Variants in SIRPB2 observed in about 807,000 individuals in gnomAD.
SIRPB2 encodes signal-regulatory protein beta-2.
A neutral mutation model predicts 27.1 loss-of-function variants in SIRPB2; 18 were observed. That is an observed-to-expected ratio of 0.66 (90% CI 0.46 to 0.98). The LOEUF is 0.98. Among genes scored for constraint, SIRPB2 ranks in the 50% least tolerant of loss-of-function variants. The pLI, the probability that SIRPB2 is intolerant of heterozygous loss-of-function variation, is 0.00. For synonymous variants in SIRPB2, 150 were observed against 164.6 expected, an observed-to-expected ratio of 0.91 and a Z score of 0.68; for missense variants, 420 against 417.4, an observed-to-expected ratio of 1.01 and a Z score of -0.06.
chr20:1,485,516 C>A (rs549576498), intron 1 of SIRPB2, among the ~76,000 whole-genome samples: 1 of 151,906 alleles, frequency 6.6e-6, no homozygotes, highest in Admixed American at 6.6e-5. Flanking sequence ...AGAAAGGACT[C>A]AAATAAATTA....
intron 1 of SIRPB2, among the ~76,000 whole-genome samples, chr20:1,490,344 T>C (rs2090766124): frequency 6.6e-6 from 1 of 152,062 alleles, no homozygotes; most frequent in African/African-American, 2.4e-5. Context: ...ACCAAAGATG[T>C]CATGGACAGA....
At chr20:1,477,163 G>A (rs1423871117) in intron 4 of SIRPB2, 175 bp downstream of exon 4, 4 of 1,578,006 alleles carry the variant, frequency 2.5e-6, no homozygotes, top group Middle Eastern at 3.3e-4. Flanking sequence ...TAGCTGAGCT[G>A]TTATAACATG....
In SIRPB2 at chr20:1,491,365, C is replaced by CAA; in HGVS notation, c.-7_-6insTT. ...GCCGACATCGTGGAGCACATGGCAT[C>CAA]TTCTGTGGTCCCCAAGACTTGGGGC... On this transcript the variant is annotated 5_prime_UTR_variant, in exon 1 of 5. Coordinates refer to ENST00000359801, the MANE Select transcript of SIRPB2 (RefSeq NM_001122962.2). 2.5e-6 allele frequency: 4 copies of CAA among 1,605,834 alleles called. No individual in the cohort carries two copies. Among genetic ancestry groups the CAA allele is most frequent in the Non-Finnish European group, 3.4e-6 (4 of 1,176,952 alleles).
Position 1,476,137 on chromosome 20 carries a change from T to A in SIRPB2, c.*30A>T. 1.2e-6 allele frequency: 2 copies of A among 1,605,050 alleles called. No individual in the cohort carries two copies. The highest frequency in any genetic ancestry group is 1.7e-6 in the Non-Finnish European group (2 of 1,177,220). On this transcript the variant is annotated 3_prime_UTR_variant, in exon 5 of 5. Transcript: ENST00000359801. ...TGAGGAGCCCTGGCTCCTCTCCAAC[T>A]CAGAGGGTCCTCACTCTGGGGCTGA...
At chr20:1,478,703 G>A in intron 2 of SIRPB2, 96 bp from the exon 3 acceptor site, 8 of 1,065,380 alleles carry the variant, frequency 7.5e-6, no homozygotes, top group Non-Finnish European at 7.9e-6. Flanking sequence ...CTTCTTTCCA[G>A]ATTTCTTCAC....
At position 1,476,974 on chromosome 20, in the gene SIRPB2, C is replaced by CCATTACA. The variant is rs1252248064; in HGVS notation, c.859+357_859+363dup. ...CCAGACTCAAGGGGCGAGAACCTGC[C>CCATTACA]CATTACACTAGGAAGGGGCTCCATC... is the stretch of plus-strand genomic sequence containing the variant. On this transcript the variant is annotated intron_variant, in intron 4 of 4. Transcript: ENST00000359801. 11 of 1,223,152 alleles carry CCATTACA rather than the reference C, an allele frequency of 9.0e-6. No homozygotes were observed. The East Asian group carries it at 5.6e-4, about 63-fold the overall frequency. The allele number at this position is 1,223,152 out of a possible 1,614,324, so 75.8% of individuals were successfully genotyped here. A position where few individuals can be genotyped will look rare whatever the true frequency, so the allele number is the denominator to read the frequency against.
At chr20:1,482,559 C>T (rs1037381113) in intron 1 of SIRPB2, among the ~76,000 whole-genome samples, 17 of 150,856 alleles carry the variant, frequency 1.1e-4, no homozygotes, top group Admixed American at 7.9e-4. Flanking sequence ...TCCTTCCTTC[C>T]TCTCTCTCTT....
intron 3 of SIRPB2, chr20:1,477,981 G>A (rs1050147866): frequency 3.6e-6 from 2 of 556,638 alleles, no homozygotes; most frequent in African/African-American, 3.7e-5. Context: ...GCCAATGTTT[G>A]TTGAATTATT....
Position 1,491,318 on chromosome 20 carries a change from C to A in SIRPB2, c.42G>T (p.Leu14Phe). The change falls in exon 1 of 5, where the codon TTG (leucine) becomes TTT (phenylalanine). Residue 14 changes from leucine (L) to phenylalanine (F), a missense_variant. Leu to Phe is a conservative substitution (Grantham distance 22). Transcript: ENST00000359801. ...GTGCCAGCAGCAGGAAGCAGGGAGG[C>A]AAGTGGGCCAGGCAGGTGGGGGCCG... ...TMSAPTCLAH[L>F]PPCFLLLALV... is the part of the protein sequence containing the mutation. The A allele has an allele frequency of 6.2e-7, 1 of 1,611,292 alleles. No individual in the cohort carries two copies. The highest frequency in any genetic ancestry group is 1.1e-5 in the South Asian group (1 of 90,436).
intron 1 of SIRPB2, 169 bp from the exon 2 acceptor site, chr20:1,480,234 G>C: frequency 1.2e-6 from 1 of 861,980 alleles, no homozygotes; most frequent in East Asian, 2.7e-5. Context: ...TGGCTGCAGA[G>C]AGAGAACTGA....
In SIRPB2 at chr20:1,476,293, T is replaced by A; in HGVS notation, c.903A>T (p.Ala301=). 1 of 1,613,718 alleles carries A rather than the reference T, an allele frequency of 6.2e-7. No homozygotes were observed. The highest frequency in any genetic ancestry group is 1.1e-5 in the South Asian group (1 of 91,058). ...CCAGTAGGAGTGCAGCCAAGGTAAT[T>A]GCCTTCAGCCCCAGGACCACAGGTG... ...VFAPVVLGLK[A]ITLAALLLAL... The change falls in exon 5 of 5, where the codon GCA becomes GCT. Residue 301 remains alanine (A), a synonymous_variant. Transcript: ENST00000359801.
intron 1 of SIRPB2, 93 bp downstream of exon 1, chr20:1,491,182 G>T: frequency 1.7e-6 from 2 of 1,180,462 alleles, no homozygotes; most frequent in Non-Finnish European, 2.4e-6. Context: ...TCTTCATGGG[G>T]TCAAGCTTCT....
Position 1,480,059 on chromosome 20 carries a change from G to A in SIRPB2, c.92C>T (p.Ser31Phe). ...CCAGTCATTCCTGCTGCTCTGCCCA[G>A]AGGCATCTACAAAAGAGGAAGAAAG... ...LALVLVPSDA[S>F]GQSSRNDWQV... Residue 31 changes from serine (S) to phenylalanine (F), a missense_variant, in exon 2 of 5, where the codon TCT becomes TTT. Transcript: ENST00000359801. The A allele has an allele frequency of 6.2e-7, 1 of 1,605,794 alleles. No homozygotes were observed. Among genetic ancestry groups the A allele is most frequent in the South Asian group, 1.1e-5 (1 of 90,572 alleles).
At chr20:1,484,295 T>A (rs1336275103) in intron 1 of SIRPB2, among the ~76,000 whole-genome samples, 2 of 152,184 alleles carry the variant, frequency 1.3e-5, no homozygotes, top group Non-Finnish European at 2.9e-5. Flanking sequence ...GGTAAAGATT[T>A]TATGACTAAG....
chr20:1,485,473 G>C (rs116103465), intron 1 of SIRPB2, among the ~76,000 whole-genome samples: 2 of 152,192 alleles, frequency 1.3e-5, no homozygotes, highest in East Asian at 3.9e-4. Flanking sequence ...GCAAGGGGAA[G>C]TTTGTAGTAT....
In SIRPB2 at chr20:1,479,970, T is replaced by C. The variant is rs766817490; in HGVS notation, c.181A>G (p.Met61Val). Residue 61 changes from methionine (M) to valine (V), a missense_variant, in exon 2 of 5, where the codon ATG becomes GTG. By Grantham distance (21) the Met-to-Val change is conservative. Coordinates refer to ENST00000359801, the MANE Select transcript of SIRPB2 (RefSeq NM_001122962.2). ...CCATCAGTGCAGGAGCCGACCACCA[T>C]ACACCTCAGTAGAAGTGTCTCACCT... ...AEGETLLLRC[M>V]VVGSCTDGMI... 1.7e-5 allele frequency: 27 copies of C among 1,614,084 alleles called. No homozygotes were observed. Among genetic ancestry groups the C allele is most frequent in the Middle Eastern group, 1.6e-4 (1 of 6,084 alleles).
In SIRPB2 at chr20:1,478,468, A is replaced by G; in HGVS notation, c.591T>C (p.Ala197=). 6.2e-7 allele frequency: 1 copy of G among 1,614,186 alleles called. No individual in the cohort carries two copies. Among genetic ancestry groups the G allele is most frequent in the Non-Finnish European group, 8.5e-7 (1 of 1,180,046 alleles). Residue 197 remains alanine, a synonymous_variant, in exon 3 of 5, where the codon GCT becomes GCC. Coordinates refer to ENST00000359801, the MANE Select transcript of SIRPB2 (RefSeq NM_001122962.2). Reference sequence around the variant, plus strand: ...TGTAAATGGCCTCCCGGCTCAGACCAGCTCCCTGGAACCACCTGATGGGTC... The same window carrying G: ...TGTAAATGGCCTCCCGGCTCAGACCGGCTCCCTGGAACCACCTGATGGGTC... The part of the protein sequence containing the change: ...PPGPIRWFQG[A]GLSREAIYNF...
Position 1,491,286 on chromosome 20 carries a change from A to G in SIRPB2, c.74T>C (p.Leu25Pro). Residue 25 changes from leucine to proline, a missense_variant, in exon 1 of 5, where the codon CTT becomes CCT. Transcript: ENST00000359801. Reference sequence around the variant, plus strand: ...TAGACCCCACTTACCTGAGGGGACAAGGACCAGTGCCAGCAGCAGGAAGCA... The same window carrying G: ...TAGACCCCACTTACCTGAGGGGACAGGGACCAGTGCCAGCAGCAGGAAGCA... ...PPCFLLLALV[L>P]VPSDASGQSS... The G allele has an allele frequency of 6.2e-7, 1 of 1,611,234 alleles. No homozygotes were observed. The highest frequency in any genetic ancestry group is 2.2e-5 in the East Asian group (1 of 44,732).
At chr20:1,490,972 CGTCCCTGTTTT>C (rs1407721522) in intron 1 of SIRPB2, among the ~76,000 whole-genome samples, 1 of 152,176 alleles carries the variant, frequency 6.6e-6, no homozygotes, top group Non-Finnish European at 1.5e-5. Flanking sequence ...GTCCCATGAG[CGTCCCTGTTTT>C]GTAGAAGAGG....
Sources: gnomAD v4.1 joint callset for allele counts (sites outside exome capture counted in the v4.1 genomes callset) on GRCh38, gnomAD v4.1.1 for gene constraint, MANE v1.5 for transcripts, NCBI Gene and HGNC (gene_info 2026-07-23, HGNC 2026-07-21) for gene names.